ANGPT1: variants seen among roughly 807,000 people sequenced by gnomAD.
ANGPT1 encodes angiopoietin 1.
ANGPT1 carries 17 observed loss-of-function variants against 62.2 expected under a neutral mutation model. The ratio of observed to expected loss-of-function variants is 0.27; its 90% confidence interval spans 0.19 to 0.41. The LOEUF is 0.41. ANGPT1 is among the 10% of genes least tolerant of loss of function. ANGPT1 has a pLI of 1.00. For missense variants in ANGPT1, 478 were observed against 594.9 expected (o/e 0.80, Z 2.04); for synonymous variants, 199 against 198.9 (o/e 1.00, Z 0.00).
intron 1 of ANGPT1, among the ~76,000 whole-genome samples, chr8:107,414,964 C>T (rs538924368): frequency 6.6e-6 from 1 of 152,092 alleles, no homozygotes; most frequent in East Asian, 1.9e-4. Flanking sequence ...TTTGAACACA[C>T]AAAACAGATA....
At chr8:107,394,854 C>T (rs894592887) in intron 1 of ANGPT1, among the ~76,000 whole-genome samples, 5 of 152,132 alleles carry the variant, frequency 3.3e-5, no homozygotes, top group Admixed American at 3.3e-4. Flanking sequence ...CAACGTGGAA[C>T]ATTAATAACT....
chr8:107,252,318 A>G (rs1813264527), intron 8 of ANGPT1, among the ~76,000 whole-genome samples: 2 of 152,192 alleles, frequency 1.3e-5, no homozygotes, highest in South Asian at 4.1e-4. Flanking sequence ...TCAAGATACA[A>G]TCTACATAAG....
rs1282211388 is a variant in ANGPT1, at chr8:107,478,178, T to C, written c.297+19084A>G. 2.6e-5 allele frequency among the ~76,000 whole-genome samples: 4 copies of C among 151,498 alleles called. No individual in the cohort carries two copies. The East Asian group carries it at 5.8e-4, about 22-fold the overall frequency. ...AAATTTTAATATGGTCAAAATTTCA[T>C]GGAGTCAAGATCCCATCTGTTTTAC... is the stretch of plus-strand genomic sequence containing the variant. On this transcript the variant is annotated intron_variant, in intron 1 of 8. Coordinates refer to ENST00000517746, the MANE Select transcript of ANGPT1 (RefSeq NM_001146.5).
At chr8:107,301,942 C>T (rs1477918824) in intron 5 of ANGPT1, among the ~76,000 whole-genome samples, 6 of 151,958 alleles carry the variant, frequency 3.9e-5, no homozygotes, top group Non-Finnish European at 8.8e-5. Context: ...TGGCATCTGG[C>T]AAACTGGGCT....
chr8:107,319,286 T>G (rs1428301312), intron 4 of ANGPT1, among the ~76,000 whole-genome samples: 1 of 152,114 alleles, frequency 6.6e-6, no homozygotes, highest in Admixed American at 6.6e-5. Flanking sequence ...TCATTAACAT[T>G]TTTTTAGTCT....
intron 1 of ANGPT1, among the ~76,000 whole-genome samples, chr8:107,395,405 T>C (rs1240867274): frequency 6.6e-6 from 1 of 152,200 alleles, no homozygotes; most frequent in Non-Finnish European, 1.5e-5. Flanking sequence ...TTTACTTCCA[T>C]GTTTCCATAT....
At chr8:107,351,878 C>T (rs2130175106) in intron 1 of ANGPT1, among the ~76,000 whole-genome samples, 1 of 152,266 alleles carries the variant, frequency 6.6e-6, no homozygotes, top group South Asian at 2.1e-4. Flanking sequence ...CACAAAGCCT[C>T]TACAAAGGCT....
chr8:107,408,998 A>C (rs558624971), intron 1 of ANGPT1, among the ~76,000 whole-genome samples: 2 of 152,322 alleles, frequency 1.3e-5, no homozygotes, highest in African/African-American at 4.8e-5. Flanking sequence ...CATTCAGCAA[A>C]TATTCTACTA....
At chr8:107,380,451 A>C in intron 1 of ANGPT1, among the ~76,000 whole-genome samples, 1 of 151,800 alleles carries the variant, frequency 6.6e-6, no homozygotes, top group Admixed American at 6.6e-5. Context: ...GACAAAATAC[A>C]TATACTATGC....
At chr8:107,297,470 G>A (rs1342984007) in intron 5 of ANGPT1, among the ~76,000 whole-genome samples, 1 of 151,534 alleles carries the variant, frequency 6.6e-6, no homozygotes, top group Non-Finnish European at 1.5e-5. Context: ...TCTCTTACAT[G>A]TATTACTGAT....
intron 1 of ANGPT1, among the ~76,000 whole-genome samples, chr8:107,415,000 A>C (rs1810699205): frequency 6.6e-6 from 1 of 152,116 alleles, no homozygotes; most frequent in South Asian, 2.1e-4. Context: ...CCTAAAATAC[A>C]CTTCTTGCTG....
intron 1 of ANGPT1, among the ~76,000 whole-genome samples, chr8:107,389,096 T>G (rs1816787104): frequency 6.6e-6 from 1 of 152,184 alleles, no homozygotes; most frequent in Non-Finnish European, 1.5e-5. Context: ...GATGACCCAG[T>G]ACTAATATGA....
chr8:107,339,883 A>T (rs1293700936), intron 2 of ANGPT1, among the ~76,000 whole-genome samples: 2 of 152,206 alleles, frequency 1.3e-5, no homozygotes, highest in Non-Finnish European at 2.9e-5. Context: ...GCAGCATCTG[A>T]ATATAGGAGA....
chr8:107,361,060 T>C (rs1245917427), intron 1 of ANGPT1, among the ~76,000 whole-genome samples: 1 of 152,210 alleles, frequency 6.6e-6, no homozygotes, highest in East Asian at 1.9e-4. Flanking sequence ...CACGTGCATA[T>C]GGATTAGTAT....
At chr8:107,313,056 T>C (rs1263242725) in intron 4 of ANGPT1, among the ~76,000 whole-genome samples, 1 of 152,174 alleles carries the variant, frequency 6.6e-6, no homozygotes, top group Non-Finnish European at 1.5e-5. Context: ...CTTAAAATTA[T>C]ACCCAAAGTT....
At chr8:107,431,545 T>G (rs1811187838) in intron 1 of ANGPT1, among the ~76,000 whole-genome samples, 1 of 152,220 alleles carries the variant, frequency 6.6e-6, no homozygotes, top group Non-Finnish European at 1.5e-5. Flanking sequence ...CCACATGCCC[T>G]CTTCCAGGAA....
chr8:107,373,975 G>A (rs911153868), intron 1 of ANGPT1, among the ~76,000 whole-genome samples: 9 of 152,356 alleles, frequency 5.9e-5, no homozygotes, highest in African/African-American at 2.2e-4. Context: ...GTGAAAGTCA[G>A]CTGTTTGGTT....
intron 1 of ANGPT1, among the ~76,000 whole-genome samples, chr8:107,464,452 A>C (rs2130483519): frequency 6.6e-6 from 1 of 152,184 alleles, no homozygotes; most frequent in South Asian, 2.1e-4. Context: ...GTATTCATTC[A>C]TTTATTCATT....
At chr8:107,450,823 C>A (rs1171995759) in intron 1 of ANGPT1, among the ~76,000 whole-genome samples, 1 of 151,034 alleles carries the variant, frequency 6.6e-6, no homozygotes, top group African/African-American at 2.4e-5. Context: ...TAGAATAAAT[C>A]ATATTTATTG....
Sources: gnomAD v4.1 joint callset for allele counts (sites outside exome capture counted in the v4.1 genomes callset) on GRCh38, gnomAD v4.1.1 for gene constraint, MANE v1.5 for transcripts, NCBI Gene and HGNC (gene_info 2026-07-23, HGNC 2026-07-21) for gene names.